Variants in TCAF1 observed in about 807,000 individuals in gnomAD.
The protein encoded by TCAF1 is TRPM8 channel-associated factor 1.
In TCAF1, 4 loss-of-function variants were observed where a neutral mutation model predicts 27.3. The observed-to-expected ratio is 0.15, with a 90% confidence interval of 0.07 to 0.34. TCAF1 has a LOEUF of 0.34. Ranked by LOEUF, TCAF1 falls within the 10% of genes least tolerant of loss-of-function variation. The pLI is 1.00. For synonymous variants in TCAF1, 105 were observed against 167.1 expected, an observed-to-expected ratio of 0.63 and a Z score of 2.87; for missense variants, 257 against 425.8, an observed-to-expected ratio of 0.60 and a Z score of 3.49.
intron 1 of TCAF1, chr7:143,885,444 G>T: frequency 1.0e-6 from 1 of 985,442 alleles, no homozygotes. Flanking sequence ...CCCCCGGACC[G>T]CAGAGGCCCG....
intron 1 of TCAF1, among the ~76,000 whole-genome samples, chr7:143,901,666 C>G (rs1052912413): frequency 6.6e-5 from 10 of 152,300 alleles, no homozygotes; most frequent in African/African-American, 2.4e-4. Context: ...CAAATCGCCT[C>G]GAGGGTTCCT....
intron 1 of TCAF1, among the ~76,000 whole-genome samples, chr7:143,895,988 C>G (rs1370153919): frequency 3.3e-5 from 5 of 151,300 alleles, no homozygotes; most frequent in Non-Finnish European, 7.4e-5. Context: ...AAATAAAAAG[C>G]AAATAATAAG....
At chr7:143,875,865 T>C in intron 2 of TCAF1, 124 bp downstream of exon 2, 7 of 799,546 alleles carry the variant, frequency 8.8e-6, no homozygotes, top group Non-Finnish European at 1.2e-5. Context: ...CTAGTTGATA[T>C]GTAGTGATTC....
chr7:143,900,624 TGG>T (rs1398549759), intron 1 of TCAF1, among the ~76,000 whole-genome samples: 3 of 152,174 alleles, frequency 2.0e-5, no homozygotes, highest in Admixed American at 1.3e-4. Context: ...AAGCCCCTCC[TGG>T]ATTCCTGATC....
chr7:143,896,434 G>A (rs1050298045), intron 1 of TCAF1, among the ~76,000 whole-genome samples: 4 of 151,950 alleles, frequency 2.6e-5, no homozygotes. Context: ...GGCAACTCAA[G>A]CAAATAAAAA....
chr7:143,897,131 AATATATATATATATATATATATATAT>A lies in TCAF1; in HGVS notation c.-15+4804_-15+4829del, dbSNP rs5888117. The stretch of plus-strand genomic sequence containing the variant: ...AAACAGTTTTATTTTGTTAATCTTG[AATATATATATATATATATATATATAT>A]ATATATATATATATATATATTCATA... On this transcript the variant is annotated intron_variant, in intron 1 of 8. Coordinates refer to ENST00000479870, the MANE Select transcript of TCAF1 (RefSeq NM_014719.3). 6.8e-3 allele frequency among the ~76,000 whole-genome samples: 550 copies of A among 80,376 alleles called. 19 individuals are homozygous for A. Among genetic ancestry groups the A allele is most frequent in the Admixed American group, 0.039 (237 of 6,154 alleles). The allele number at this position is 80,376 out of a possible 152,430, so 52.7% of individuals were successfully genotyped here. A position where few individuals can be genotyped will look rare whatever the true frequency, so the allele number is the denominator to read the frequency against.
At chr7:143,897,013 AC>A in intron 1 of TCAF1, among the ~76,000 whole-genome samples, 1 of 150,508 alleles carries the variant, frequency 6.6e-6, no homozygotes, top group South Asian at 2.1e-4. Context: ...AAAAATTAAA[AC>A]AAAAAGAGAA....
chr7:143,885,329 G>C, intron 1 of TCAF1: 1 of 985,530 alleles, frequency 1.0e-6, no homozygotes, highest in Non-Finnish European at 1.2e-6. Context: ...AAGTGGCTAG[G>C]AGGAGGCGTG....
At position 143,879,229 on chromosome 7, in the gene TCAF1, T is replaced by C. The variant is rs146864234; in HGVS notation, c.-14-2607A>G. On this transcript the variant is annotated intron_variant, in intron 1 of 8. Transcript: ENST00000479870. Reference sequence around the variant, plus strand: ...AGAAGATATGGCACAGAAAAGAAAATATAAATGGCCACTTGTGTGGAAAAA... The same window carrying C: ...AGAAGATATGGCACAGAAAAGAAAACATAAATGGCCACTTGTGTGGAAAAA... 7.3e-3 allele frequency among the ~76,000 whole-genome samples: 1,114 copies of C among 152,254 alleles called. 11 individuals are homozygous for C. Among genetic ancestry groups the C allele is most frequent in the African/African-American group, 0.026 (1,062 of 41,552 alleles).
chr7:143,897,665 A>G (rs1432745535), intron 1 of TCAF1, among the ~76,000 whole-genome samples: 2 of 152,102 alleles, frequency 1.3e-5, no homozygotes, highest in Admixed American at 1.3e-4. Context: ...TGAAATTGTT[A>G]AATATCTTGG....
At chr7:143,889,176 T>C (rs1252607269) in intron 1 of TCAF1, among the ~76,000 whole-genome samples, 1 of 152,096 alleles carries the variant, frequency 6.6e-6, no homozygotes, top group Non-Finnish European at 1.5e-5. Flanking sequence ...ATATAGAGCA[T>C]ATAGTGAGAA....
chr7:143,885,241 C>G (rs1436462924), intron 1 of TCAF1: 3 of 985,470 alleles, frequency 3.0e-6, no homozygotes, highest in Admixed American at 6.1e-5. Flanking sequence ...CACCAGGCTA[C>G]TTTGGAGTGG....
chr7:143,860,046 T>TATATATA (rs1210422583), intron 6 of TCAF1, among the ~76,000 whole-genome samples, 162 bp downstream of exon 6: 9 of 64,242 alleles, frequency 1.4e-4, no homozygotes, highest in African/African-American at 5.5e-4. Context: ...TAATATATAA[T>TATATATA]ATATATTATA....
intron 1 of TCAF1, among the ~76,000 whole-genome samples, chr7:143,887,575 T>A (rs1443324013): frequency 6.6e-6 from 1 of 152,134 alleles, no homozygotes; most frequent in African/African-American, 2.4e-5. Context: ...ATATACACAT[T>A]TTCACTGAAG....
chr7:143,894,277 TA>T (rs1245781910), intron 1 of TCAF1, among the ~76,000 whole-genome samples: 2 of 151,904 alleles, frequency 1.3e-5, no homozygotes, highest in Non-Finnish European at 3.0e-5. Context: ...TGAATTTTTC[TA>T]AACACTTGAG....
intron 1 of TCAF1, among the ~76,000 whole-genome samples, chr7:143,885,742 T>C (rs1813370568): frequency 6.6e-6 from 1 of 151,990 alleles, no homozygotes; most frequent in South Asian, 2.1e-4. Context: ...AAACGTTCCA[T>C]TTTGTGTAAA....
chr7:143,875,875 C>T lies in TCAF1; in HGVS notation c.620+114G>A, dbSNP rs1014060030. On this transcript the variant is annotated intron_variant, in intron 2 of 8. Transcript: ENST00000479870. ...AAAATCTAGTTGATATGTAGTGATT[C>T]CATATCTGAGTGCCTGGGAGCACTC... 13 of 899,910 alleles carry T rather than the reference C, an allele frequency of 1.4e-5. No individual in the cohort carries two copies. The African/African-American group carries it at 2.2e-4, about 15-fold the overall frequency. 55.7% of individuals were successfully genotyped at this position (899,910 alleles called of 1,614,324 possible).
chr7:143,894,122 G>A (rs763816820), intron 1 of TCAF1, among the ~76,000 whole-genome samples: 9 of 151,694 alleles, frequency 5.9e-5, no homozygotes, highest in Non-Finnish European at 1.3e-4. Context: ...AAACTCAGAT[G>A]AATTTGCAAA....
intron 1 of TCAF1, among the ~76,000 whole-genome samples, chr7:143,877,049 CAG>C (rs1259330907): frequency 6.6e-6 from 1 of 152,098 alleles, no homozygotes; most frequent in Non-Finnish European, 1.5e-5. Context: ...TTTGGAAACA[CAG>C]GGGAGAATGC....
Sources: gnomAD v4.1 joint callset for allele counts (sites outside exome capture counted in the v4.1 genomes callset) on GRCh38, gnomAD v4.1.1 for gene constraint, MANE v1.5 for transcripts, NCBI Gene and HGNC (gene_info 2026-07-23, HGNC 2026-07-21) for gene names.